The following RIF1 variants were observed in gnomAD, a reference collection of about 807,000 sequenced individuals.
The protein encoded by RIF1 is telomere-associated protein RIF1.
A neutral mutation model predicts 247.1 loss-of-function variants in RIF1; 45 were observed. The observed-to-expected ratio is 0.18, with a 90% confidence interval of 0.14 to 0.23. RIF1 has a LOEUF of 0.23. Among genes scored for constraint, RIF1 ranks in the 10% least tolerant of loss-of-function variants. The pLI is 1.00. For missense variants in RIF1, 2,967 were observed against 2,862.5 expected, an observed-to-expected ratio of 1.04 and a Z score of -0.83; for synonymous variants, 1,087 against 978.8, an observed-to-expected ratio of 1.11 and a Z score of -2.06.
chr2:151,474,776 T>G, intron 35 of RIF1, 81 bp from the exon 36 acceptor site: 1 of 799,478 alleles, frequency 1.3e-6, no homozygotes, highest in East Asian at 2.7e-5. Context: ...CCTAGGCACT[T>G]GGACTAACTT....
chr2:151,446,299 G>T (rs971851309), intron 19 of RIF1, 127 bp from the exon 20 acceptor site: 4 of 897,526 alleles, frequency 4.5e-6, no homozygotes, highest in African/African-American at 3.4e-5. Context: ...GCACCCGGCC[G>T]TTAGTGTCTT....
intron 3 of RIF1, among the ~76,000 whole-genome samples, chr2:151,412,761 G>T (rs1686479955): frequency 6.6e-6 from 1 of 151,984 alleles, no homozygotes; most frequent in Admixed American, 6.6e-5. Flanking sequence ...AGGATTATAG[G>T]TGTGAGCCAC....
chr2:151,484,181 T>C (rs909846640), downstream of RIF1, among the ~76,000 whole-genome samples: 2 of 152,368 alleles, frequency 1.3e-5, no homozygotes, highest in South Asian at 2.1e-4. Flanking sequence ...GCCAGCTGCA[T>C]GTTGAACATT....
Position 151,463,143 on chromosome 2 carries a change from C to A in RIF1, c.3623C>A (p.Ala1208Asp), listed in dbSNP as rs1164628952. ...AGTTCAGTTTCTAATACCACTGTTGCTGGAACTCCCCCATACCCTACAAGT... is the reference window on the plus strand; with the variant it reads ...AGTTCAGTTTCTAATACCACTGTTGATGGAACTCCCCCATACCCTACAAGT... ...SSSSVSNTTV[A>D]GTPPYPTSRR... The change falls in exon 30 of 36, where the codon GCT (alanine) becomes GAT (aspartate). Residue 1208 changes from alanine (A) to aspartate (D), a missense_variant. Around this residue, in one of 7 missense-constraint regions of RIF1, gnomAD observed 2,028 missense variants for 1,825.6 expected, o/e 1.11. Coordinates refer to ENST00000444746, the MANE Select transcript of RIF1 (RefSeq NM_018151.5). 5 of 1,613,980 alleles carry A rather than the reference C, an allele frequency of 3.1e-6. No individual in the cohort carries two copies. The highest frequency in any genetic ancestry group is 4.2e-6 in the Non-Finnish European group (5 of 1,179,996).
Position 151,460,030 on chromosome 2 carries a change from A to G in RIF1, c.2986A>G (p.Ser996Gly). 6.4e-7 allele frequency: 1 copy of G among 1,558,472 alleles called. No individual in the cohort carries two copies. Among genetic ancestry groups the G allele is most frequent in the Non-Finnish European group, 8.7e-7 (1 of 1,144,646 alleles). Residue 996 changes from serine (S) to glycine (G), a missense_variant, in exon 26 of 36, where the codon AGT (serine) becomes GGT (glycine). Physicochemically the swap from Ser to Gly is moderately conservative, Grantham distance 56. Coordinates refer to ENST00000444746, the MANE Select transcript of RIF1 (RefSeq NM_018151.5). ...TENSQLNVKI[S>G]GMERKSNGKR... Reference sequence around the variant, plus strand: ...AAATTCACAACTAAATGTGAAGATAAGTGGCATGGAGAGAAAATCAAATGG... The same window carrying G: ...AAATTCACAACTAAATGTGAAGATAGGTGGCATGGAGAGAAAATCAAATGG...
Position 151,478,748 on chromosome 2 carries a change from TGA to T in RIF1, c.*3678_*3679del. ...TGGGTTAATTTTTTTCTTCCAACTT[TGA>T]CTTTAATTCAGTAAGAAAGGCCTAG... is the stretch of plus-strand genomic sequence containing the variant. On this transcript the variant is annotated 3_prime_UTR_variant, in exon 36 of 36. Transcript: ENST00000444746. The T allele has an allele frequency of 6.6e-6, 1 of 152,200 alleles. No individual in the cohort carries two copies. Among genetic ancestry groups the T allele is most frequent in the South Asian group, 2.1e-4 (1 of 4,836 alleles). The allele number at this position is 152,200 out of a possible 1,614,324, so 9.4% of individuals were successfully genotyped here.
intron 27 of RIF1, among the ~76,000 whole-genome samples, chr2:151,461,510 G>T (rs1696152735): frequency 6.6e-6 from 1 of 150,962 alleles, no homozygotes; most frequent in African/African-American, 2.4e-5. Context: ...TCCTGCCTCA[G>T]CCTCCCGAGT....
At position 151,420,260 on chromosome 2, in the gene RIF1, G is replaced by A. The variant is rs771321295; in HGVS notation, c.574G>A (p.Val192Met). The change falls in exon 7 of 36, where the codon GTG (valine) becomes ATG (methionine). Residue 192 changes from valine to methionine, a missense_variant. Physicochemically the swap from Val to Met is conservative, Grantham distance 21. This residue lies in a region of RIF1 where 269 missense variants were observed against 288.6 expected (regional missense o/e 0.93). Transcript: ENST00000444746. Reference protein sequence around the residue: ...VRWAKLVIPLVVHSAQKVHLR... With the variant: ...VRWAKLVIPLMVHSAQKVHLR... Reference sequence around the variant, plus strand: ...GTGGGCAAAACTGGTCATACCTTTAGTGGTTCATTCAGCACAAAAGGTACA... The same window carrying A: ...GTGGGCAAAACTGGTCATACCTTTAATGGTTCATTCAGCACAAAAGGTACA... 7 of 1,614,056 alleles carry A rather than the reference G, an allele frequency of 4.3e-6. No homozygotes were observed. In the South Asian group the frequency reaches 7.7e-5, roughly 18 times the overall value.
downstream of RIF1, chr2:151,485,909 A>G (rs1051639339): frequency 4.3e-6 from 7 of 1,613,828 alleles, no homozygotes; most frequent in Admixed American, 1.2e-4. Flanking sequence ...GCAGCCATAT[A>G]GTCATACATG....
At chr2:151,447,162 C>G (rs1426080632) in intron 20 of RIF1, among the ~76,000 whole-genome samples, 1 of 151,992 alleles carries the variant, frequency 6.6e-6, no homozygotes, top group Non-Finnish European at 1.5e-5. Context: ...CCAGGATGGT[C>G]TCGATCTCCT....
intron 11 of RIF1, among the ~76,000 whole-genome samples, chr2:151,501,204 G>GAA (rs1187780064): frequency 6.6e-6 from 1 of 152,170 alleles, no homozygotes; most frequent in East Asian, 1.9e-4. Context: ...GACTATTATA[G>GAA]AAAGTATAAA....
At chr2:151,412,553 T>C (rs1686437893) in intron 3 of RIF1, among the ~76,000 whole-genome samples, 1 of 152,030 alleles carries the variant, frequency 6.6e-6, no homozygotes, top group South Asian at 2.1e-4. Context: ...AGTGGCACAA[T>C]CTCAGCTCAC....
At chr2:151,521,247 A>G in the RIF1 span, among the ~76,000 whole-genome samples, 1 of 152,172 alleles carries the variant, frequency 6.6e-6, no homozygotes, top group East Asian at 1.9e-4. Context: ...CAATGCTGAG[A>G]CTCCTTTACT....
At chr2:151,454,520 T>A (rs1200263964) in intron 21 of RIF1, among the ~76,000 whole-genome samples, 1 of 152,192 alleles carries the variant, frequency 6.6e-6, no homozygotes, top group African/African-American at 2.4e-5. Context: ...ACTTTCAAAA[T>A]TTAAATTTGG....
intron 3 of RIF1, among the ~76,000 whole-genome samples, chr2:151,411,601 A>G (rs572099346): frequency 1.3e-5 from 2 of 152,144 alleles, no homozygotes; most frequent in East Asian, 3.9e-4. Context: ...GGGTTTCTCC[A>G]TGTTGGTCAG....
intron 9 of RIF1, among the ~76,000 whole-genome samples, chr2:151,487,666 C>G (rs2052063119): frequency 6.6e-6 from 1 of 152,010 alleles, no homozygotes; most frequent in Non-Finnish European, 1.5e-5. Context: ...AGCATCCTAC[C>G]GTTTATCTTT....
intron 34 of RIF1, among the ~76,000 whole-genome samples, chr2:151,470,924 A>G (rs1370718759): frequency 1.3e-5 from 2 of 152,174 alleles, no homozygotes; most frequent in Non-Finnish European, 2.9e-5. Flanking sequence ...CTTCATTAAG[A>G]TATGATTTAC....
rs953960458 is a variant in RIF1, at chr2:151,496,460, A to T, written c.*513+1134A>T. 5 of 1,481,060 alleles carry T rather than the reference A, an allele frequency of 3.4e-6. No individual in the cohort carries two copies. The Admixed American group carries it at 9.4e-5, about 28-fold the overall frequency. 91.7% of individuals were successfully genotyped at this position (1,481,060 alleles called of 1,614,324 possible). A position where few individuals can be genotyped will look rare whatever the true frequency, so the allele number is the denominator to read the frequency against. Reference sequence around the variant, plus strand: ...GGGTAAGGTCAACTTCCTTGTTAAGAAAACACAGTCGTCCAAGGAGCCAGA... The same window carrying T: ...GGGTAAGGTCAACTTCCTTGTTAAGTAAACACAGTCGTCCAAGGAGCCAGA... On this transcript the variant is annotated intron_variant and NMD_transcript_variant, in intron 10 of 13. Coordinates refer to the RIF1 transcript ENST00000454583.
chr2:151,484,671 CAAT>C (rs1343102620), downstream of RIF1, among the ~76,000 whole-genome samples: 3 of 152,202 alleles, frequency 2.0e-5, no homozygotes, highest in African/African-American at 7.2e-5. Context: ...TTGGAAATCA[CAAT>C]AGGATTGTTG....
Sources: gnomAD v4.1 joint callset for allele counts (sites outside exome capture counted in the v4.1 genomes callset) on GRCh38, gnomAD v4.1.1 for gene constraint, gnomAD v4.1.1 regional missense constraint, MANE v1.5 for transcripts, NCBI Gene and HGNC (gene_info 2026-07-23, HGNC 2026-07-21) for gene names.